The following L3MBTL4 variants were observed in gnomAD, a reference collection of about 807,000 sequenced individuals.
The protein encoded by L3MBTL4 is L3MBTL histone methyl-lysine binding protein 4, also known as lethal(3)malignant brain tumor-like protein 4.
A neutral mutation model predicts 84.5 loss-of-function variants in L3MBTL4; 70 were observed. The ratio of observed to expected loss-of-function variants is 0.83; its 90% CI spans 0.68 to 1.01. L3MBTL4 has a LOEUF of 1.01. L3MBTL4 is among the 50% of genes least tolerant of loss of function. The probability of loss-of-function intolerance (pLI) is 0.00; values close to 1 mark genes in which losing one functional copy is unlikely to be tolerated. For missense variants in L3MBTL4, 715 were observed against 754.8 expected (o/e 0.95, Z 0.62); for synonymous variants, 274 against 259.8 (o/e 1.05, Z -0.52).
intron 16 of L3MBTL4, among the ~76,000 whole-genome samples, chr18:5,994,194 C>A (rs187566582): frequency 5.4e-4 from 83 of 152,328 alleles, no homozygotes; most frequent in African/African-American, 1.9e-3. Flanking sequence ...AACCCCAGAC[C>A]CAGGGCATCC....
At chr18:6,126,735 G>C (rs1430275445) in intron 14 of L3MBTL4, among the ~76,000 whole-genome samples, 1 of 152,138 alleles carries the variant, frequency 6.6e-6, no homozygotes, top group African/African-American at 2.4e-5. Flanking sequence ...GGGTAGAACT[G>C]ATTTAAAGAT....
intron 1 of L3MBTL4, among the ~76,000 whole-genome samples, chr18:6,343,464 C>T (rs1385592648): frequency 6.6e-6 from 1 of 151,918 alleles, no homozygotes; most frequent in African/African-American, 2.4e-5. Flanking sequence ...GAGATTGAGA[C>T]CATCCTGACT....
At chr18:6,214,493 C>T (rs1413332917) in intron 11 of L3MBTL4, among the ~76,000 whole-genome samples, 1 of 152,134 alleles carries the variant, frequency 6.6e-6, no homozygotes, top group African/African-American at 2.4e-5. Context: ...TTATTGGAAA[C>T]AAAAGTGTTT....
chr18:5,999,841 G>C lies in L3MBTL4; in HGVS notation c.1445-30279C>G, dbSNP rs953632784. ...TTCCTTGCTTGTACAAATGGGGACA[G>C]GACCTTGGGTGAGCAGGGTTGGTAT... On this transcript the variant is annotated intron_variant, in intron 16 of 18. Transcript: ENST00000317931. Among the ~76,000 whole-genome samples the C allele has an allele frequency of 2.0e-5, 3 of 152,320 alleles. No homozygotes were observed. In the South Asian group the frequency reaches 6.2e-4, roughly 32 times the overall value.
At chr18:6,303,548 A>C (rs184903954) in intron 3 of L3MBTL4, among the ~76,000 whole-genome samples, 91 of 152,342 alleles carry the variant, frequency 6.0e-4, no homozygotes, top group Middle Eastern at 6.8e-3. Context: ...AGTTTGATCA[A>C]AAAATATTTC....
At chr18:6,387,994 C>T (rs1010049148) in intron 1 of L3MBTL4, among the ~76,000 whole-genome samples, 2 of 152,018 alleles carry the variant, frequency 1.3e-5, no homozygotes, top group Non-Finnish European at 2.9e-5. Flanking sequence ...AATGAAATAG[C>T]CAGTAATTAG....
At chr18:6,313,472 C>T (rs1251864061) in intron 1 of L3MBTL4, among the ~76,000 whole-genome samples, 1 of 152,140 alleles carries the variant, frequency 6.6e-6, no homozygotes, top group Non-Finnish European at 1.5e-5. Context: ...TATTTATGTC[C>T]TTAAGACAGG....
chr18:6,071,782 A>AAAGAAAGAAAG, intron 16 of L3MBTL4, among the ~76,000 whole-genome samples: 2 of 143,482 alleles, frequency 1.4e-5, no homozygotes, highest in South Asian at 2.2e-4. Context: ...AGAAAGAAAG[A>AAAGAAAGAAAG]AAGAAAGAAA....
chr18:6,192,022 G>A (rs1317927467), intron 12 of L3MBTL4, among the ~76,000 whole-genome samples: 1 of 149,630 alleles, frequency 6.7e-6, no homozygotes. Flanking sequence ...AAAAAAGAAA[G>A]AAAGAAAGAA....
chr18:5,959,541 C>T (rs1436285436), intron 18 of L3MBTL4, among the ~76,000 whole-genome samples: 1 of 152,088 alleles, frequency 6.6e-6, no homozygotes, highest in Non-Finnish European at 1.5e-5. Flanking sequence ...CAAGAGGGGA[C>T]AGGAGATAGA....
intron 10 of L3MBTL4, among the ~76,000 whole-genome samples, chr18:6,229,748 T>C (rs149501358): frequency 7.9e-5 from 12 of 152,272 alleles, no homozygotes; most frequent in African/African-American, 2.9e-4. Context: ...CCCCACTGAA[T>C]AGTCTTGGCT....
chr18:6,037,257 G>C (rs1277527566), intron 16 of L3MBTL4, among the ~76,000 whole-genome samples: 2 of 152,206 alleles, frequency 1.3e-5, no homozygotes, highest in Non-Finnish European at 2.9e-5. Flanking sequence ...TGTGAAATGG[G>C]TAACTACTAC....
At chr18:6,128,387 T>C (rs1048266377) in intron 14 of L3MBTL4, among the ~76,000 whole-genome samples, 3 of 151,904 alleles carry the variant, frequency 2.0e-5, no homozygotes, top group African/African-American at 7.3e-5. Context: ...AGTCTCCAGA[T>C]TGAAACAATG....
chr18:6,331,460 C>T (rs343259), intron 1 of L3MBTL4, among the ~76,000 whole-genome samples: 16,534 of 151,956 alleles, frequency 0.11, 1,556 homozygotes, highest in African/African-American at 0.25. Flanking sequence ...ACCTGGGATG[C>T]TCTCAAAATT....
intron 16 of L3MBTL4, among the ~76,000 whole-genome samples, chr18:6,032,943 A>T (rs566146391): frequency 6.6e-6 from 1 of 152,222 alleles, no homozygotes; most frequent in African/African-American, 2.4e-5. Flanking sequence ...TTGTGACCTA[A>T]CCTATGTTTT....
chr18:5,970,260 G>GGA (rs2052574047), intron 16 of L3MBTL4, among the ~76,000 whole-genome samples: 1 of 152,222 alleles, frequency 6.6e-6, no homozygotes, highest in Non-Finnish European at 1.5e-5. Flanking sequence ...TCTTTTCTGA[G>GGA]CAGCTCTGAA....
intron 1 of L3MBTL4, among the ~76,000 whole-genome samples, chr18:6,329,315 G>A (rs890608582): frequency 2.6e-5 from 4 of 151,506 alleles, no homozygotes; most frequent in Admixed American, 6.6e-5. Context: ...CACCACGCCC[G>A]GCTAATTTTT....
intron 16 of L3MBTL4, among the ~76,000 whole-genome samples, chr18:6,026,171 C>A (rs2055496534): frequency 6.6e-6 from 1 of 152,092 alleles, no homozygotes; most frequent in Non-Finnish European, 1.5e-5. Flanking sequence ...AAAAATAGGA[C>A]ATCATAACAA....
intron 14 of L3MBTL4, among the ~76,000 whole-genome samples, chr18:6,100,372 C>A (rs534676424): frequency 1.1e-4 from 17 of 152,156 alleles, no homozygotes; most frequent in African/African-American, 3.6e-4. Context: ...TTTTCCATTT[C>A]TTTGGTAAGA....
Sources: gnomAD v4.1 joint callset for allele counts (sites outside exome capture counted in the v4.1 genomes callset) on GRCh38, gnomAD v4.1.1 for gene constraint, MANE v1.5 for transcripts, NCBI Gene and HGNC (gene_info 2026-07-23, HGNC 2026-07-21) for gene names.